Variants in HS6ST3 observed in about 807,000 individuals in gnomAD.
The protein encoded by HS6ST3 is heparan-sulfate 6-O-sulfotransferase 3.
A neutral mutation model predicts 36.7 loss-of-function variants in HS6ST3; 12 were observed. The observed-to-expected ratio is 0.33, with a 90% CI of 0.21 to 0.53. HS6ST3 has a LOEUF of 0.53. Among genes scored for constraint, HS6ST3 ranks in the 20% least tolerant of loss-of-function variants. The pLI is 0.95. For synonymous variants in HS6ST3, 240 were observed against 257.5 expected (o/e 0.93, Z 0.65); for missense variants, 584 against 640.9 (o/e 0.91, Z 0.96).
At chr13:96,395,828 G>T (rs1290608313) in intron 1 of HS6ST3, among the ~76,000 whole-genome samples, 13 of 152,074 alleles carry the variant, frequency 8.5e-5, no homozygotes, top group South Asian at 2.1e-4. Flanking sequence ...TAAAGGAGTG[G>T]TATAGGGGAT....
Position 96,668,233 on chromosome 13 carries a change from C to G in HS6ST3, c.708-164257C>G, listed in dbSNP as rs76979862. 7.0e-4 allele frequency among the ~76,000 whole-genome samples: 107 copies of G among 152,044 alleles called. 1 individual carries two copies. The East Asian group carries it at 0.02, about 28-fold the overall frequency. The stretch of plus-strand genomic sequence containing the variant: ...TGAAGAGTGAAGCCAGAATTTGAAC[C>G]CTGGCAATCTGGTCTGGTGGAGCTA... On this transcript the variant is annotated intron_variant, in intron 1 of 1. Coordinates refer to ENST00000376705, the MANE Select transcript of HS6ST3 (RefSeq NM_153456.4).
intron 1 of HS6ST3, among the ~76,000 whole-genome samples, chr13:96,695,881 G>A (rs955277787): frequency 6.6e-6 from 1 of 151,976 alleles, no homozygotes; most frequent in Non-Finnish European, 1.5e-5. Context: ...CAAAAATAAG[G>A]GGTTAAAGAA....
chr13:96,526,924 TAAGA>T (rs773485502), intron 1 of HS6ST3, among the ~76,000 whole-genome samples: 7 of 152,112 alleles, frequency 4.6e-5, no homozygotes, highest in Non-Finnish European at 1.0e-4. Flanking sequence ...GTAAGAAAGG[TAAGA>T]AAGTATAGCA....
At chr13:96,799,588 A>C (rs1338189941) in intron 1 of HS6ST3, among the ~76,000 whole-genome samples, 1 of 142,410 alleles carries the variant, frequency 7.0e-6, no homozygotes, top group Non-Finnish European at 1.5e-5. Context: ...CAATGAGAAC[A>C]CATGGACACA....
chr13:96,411,044 A>G (rs2055504883), intron 1 of HS6ST3, among the ~76,000 whole-genome samples: 1 of 152,220 alleles, frequency 6.6e-6, no homozygotes, highest in Non-Finnish European at 1.5e-5. Flanking sequence ...ACAAACCATT[A>G]TTGGTGGGAT....
intron 1 of HS6ST3, among the ~76,000 whole-genome samples, chr13:96,626,012 ATT>A (rs71117603): frequency 1.7e-4 from 26 of 149,192 alleles, no homozygotes; most frequent in East Asian, 2.0e-4. Flanking sequence ...AATTTTTTGT[ATT>A]TTTTTTTTTA....
At chr13:96,780,058 C>T (rs1039277030) in intron 1 of HS6ST3, among the ~76,000 whole-genome samples, 3 of 152,138 alleles carry the variant, frequency 2.0e-5, no homozygotes, top group Admixed American at 6.6e-5. Context: ...AGATGGATCT[C>T]AGTGGCAGAC....
chr13:96,108,471 A>G (rs987900602), intron 1 of HS6ST3, among the ~76,000 whole-genome samples: 1 of 152,154 alleles, frequency 6.6e-6, no homozygotes, highest in Non-Finnish European at 1.5e-5. Flanking sequence ...TTGCCCTTGA[A>G]GCATGTGATC....
intron 1 of HS6ST3, among the ~76,000 whole-genome samples, chr13:96,331,917 A>G (rs546600817): frequency 3.9e-5 from 6 of 152,138 alleles, no homozygotes; most frequent in Non-Finnish European, 7.4e-5. Flanking sequence ...GAAAAGCCAA[A>G]TATTCGGTTG....
chr13:96,822,239 A>C (rs906495268), intron 1 of HS6ST3, among the ~76,000 whole-genome samples: 1 of 152,202 alleles, frequency 6.6e-6, no homozygotes, highest in East Asian at 1.9e-4. Flanking sequence ...ACCCGCATGC[A>C]TAAACCACAG....
At chr13:96,622,797 GA>G (rs1308725796) in intron 1 of HS6ST3, among the ~76,000 whole-genome samples, 2 of 152,056 alleles carry the variant, frequency 1.3e-5, no homozygotes, top group Non-Finnish European at 2.9e-5. Context: ...ATTTTCTTAA[GA>G]AAATATCAAC....
intron 1 of HS6ST3, among the ~76,000 whole-genome samples, chr13:96,091,914 G>T (rs2053767039): frequency 6.6e-6 from 1 of 152,144 alleles, no homozygotes. Flanking sequence ...TCGCGGTCTG[G>T]GTTAGACCAG....
intron 1 of HS6ST3, among the ~76,000 whole-genome samples, chr13:96,173,301 A>G: frequency 6.6e-6 from 1 of 152,206 alleles, no homozygotes; most frequent in East Asian, 1.9e-4. Flanking sequence ...TGATAGCACC[A>G]TTAGCAAAGA....
intron 1 of HS6ST3, among the ~76,000 whole-genome samples, chr13:96,488,927 A>C (rs940987912): frequency 2.0e-5 from 3 of 152,046 alleles, no homozygotes; most frequent in Non-Finnish European, 4.4e-5. Flanking sequence ...TAGATATAAA[A>C]AATTGTCAAG....
chr13:96,327,888 T>C (rs985078116), intron 1 of HS6ST3, among the ~76,000 whole-genome samples: 2 of 144,550 alleles, frequency 1.4e-5, no homozygotes, highest in African/African-American at 2.6e-5. Flanking sequence ...CTTGAAGAGG[T>C]CCTTCACATC....
At chr13:96,673,224 G>T (rs1444491336) in intron 1 of HS6ST3, among the ~76,000 whole-genome samples, 1 of 152,078 alleles carries the variant, frequency 6.6e-6, no homozygotes, top group Non-Finnish European at 1.5e-5. Flanking sequence ...TCATAAGGAG[G>T]CTTATGATGG....
chr13:96,212,836 A>G (rs995709908), intron 1 of HS6ST3, among the ~76,000 whole-genome samples: 1 of 152,156 alleles, frequency 6.6e-6, no homozygotes, highest in Non-Finnish European at 1.5e-5. Context: ...ATTATCATAC[A>G]TGGCAGACTC....
Position 96,135,279 on chromosome 13 carries a change from C to T in HS6ST3, c.707+43710C>T, listed in dbSNP as rs532701639. Among the ~76,000 whole-genome samples the T allele has an allele frequency of 6.6e-5, 10 of 152,174 alleles. 1 individual carries two copies. The South Asian group carries it at 1.7e-3, about 25-fold the overall frequency. On this transcript the variant is annotated intron_variant, in intron 1 of 1. Transcript: ENST00000376705. The stretch of plus-strand genomic sequence containing the variant: ...GGAACACGTGGGCTGCAGTTATCAC[C>T]GTGGACTTTCTTTCCTTTTTTAAAG...
intron 1 of HS6ST3, among the ~76,000 whole-genome samples, chr13:96,511,682 C>G (rs2056050389): frequency 6.6e-6 from 1 of 150,872 alleles, no homozygotes; most frequent in Admixed American, 6.7e-5. Context: ...TTTTGTTTGT[C>G]TATTAACTTT....
Sources: allele counts gnomAD v4.1 joint callset (sites outside exome capture counted in the v4.1 genomes callset), GRCh38; gene constraint gnomAD v4.1.1; transcripts MANE v1.5; gene names NCBI Gene and HGNC (gene_info 2026-07-23, HGNC 2026-07-21).